Variants in ARHGAP15 observed in about 807,000 individuals in gnomAD.
The protein encoded by ARHGAP15 is Rho GTPase activating protein 15.
A neutral mutation model predicts 63.7 loss-of-function variants in ARHGAP15; 51 were observed. That is an observed-to-expected ratio of 0.80 (90% CI 0.64 to 1.01). The LOEUF is 1.01. Ranked by LOEUF, ARHGAP15 falls within the 50% of genes least tolerant of loss-of-function variation. The pLI, the probability that ARHGAP15 is intolerant of heterozygous loss-of-function variation, is 0.00. For synonymous variants in ARHGAP15, 191 were observed against 193.8 expected (o/e 0.99, Z 0.12); for missense variants, 560 against 564.6 (o/e 0.99, Z 0.08).
chr2:143,155,716 A>C, intron 2 of ARHGAP15, 61 bp downstream of exon 2: 1 of 1,471,196 alleles, frequency 6.8e-7, no homozygotes, highest in Non-Finnish European at 9.1e-7. Context: ...TAAAAGGAAA[A>C]AAAAAAGCTA....
intron 5 of ARHGAP15, among the ~76,000 whole-genome samples, chr2:143,228,992 A>G (rs1429328353): frequency 6.6e-6 from 1 of 152,204 alleles, no homozygotes; most frequent in Non-Finnish European, 1.5e-5. Context: ...AAATGCAGCT[A>G]CTTGCTCAAA....
At chr2:143,346,194 TCTCTCTCTCACACACACA>T (rs1685272151) in intron 6 of ARHGAP15, among the ~76,000 whole-genome samples, 1 of 138,154 alleles carries the variant, frequency 7.2e-6, no homozygotes, top group Non-Finnish European at 1.6e-5. Flanking sequence ...ACACACACAC[TCTCTCTCTCACACACACA>T]CTCTCTCTCA....
At chr2:143,677,993 A>ATCT (rs1682910918) in intron 12 of ARHGAP15, among the ~76,000 whole-genome samples, 1 of 152,206 alleles carries the variant, frequency 6.6e-6, no homozygotes. Context: ...AGATCACTTG[A>ATCT]GCCCAGGAGT....
chr2:143,478,130 G>A (rs1208241770), intron 8 of ARHGAP15, among the ~76,000 whole-genome samples: 1 of 152,116 alleles, frequency 6.6e-6, no homozygotes, highest in Non-Finnish European at 1.5e-5. Context: ...GGAGCATGGT[G>A]AGTGATTTGT....
intron 6 of ARHGAP15, among the ~76,000 whole-genome samples, chr2:143,418,766 G>T: frequency 6.6e-6 from 1 of 151,616 alleles, no homozygotes; most frequent in East Asian, 1.9e-4. Context: ...AATATGAGAG[G>T]GGTTTTTTTC....
intron 13 of ARHGAP15, among the ~76,000 whole-genome samples, chr2:143,760,946 C>T (rs1201065611): frequency 6.6e-6 from 1 of 152,040 alleles, no homozygotes. Context: ...GAGTGACCAC[C>T]TCGAAACACA....
intron 13 of ARHGAP15, among the ~76,000 whole-genome samples, chr2:143,747,085 TGGGGAGAAA>T (rs1326028938): frequency 6.6e-6 from 1 of 151,516 alleles, no homozygotes; most frequent in Non-Finnish European, 1.5e-5. Context: ...TGTCAGGGGG[TGGGGAGAAA>T]GGGGAGGAAG....
chr2:143,518,304 C>G (rs1693908760), intron 9 of ARHGAP15, among the ~76,000 whole-genome samples: 1 of 152,202 alleles, frequency 6.6e-6, no homozygotes, highest in Admixed American at 6.5e-5. Context: ...TTGAGAGAAT[C>G]TATTCCATAT....
chr2:143,604,232 T>C (rs1167515724), intron 11 of ARHGAP15, among the ~76,000 whole-genome samples: 2 of 152,234 alleles, frequency 1.3e-5, no homozygotes, highest in Non-Finnish European at 2.9e-5. Flanking sequence ...GTTCCTTTAC[T>C]TGGAAATTCA....
intron 3 of ARHGAP15, among the ~76,000 whole-genome samples, chr2:143,205,751 T>C (rs780775146): frequency 1.3e-5 from 2 of 152,072 alleles, no homozygotes; most frequent in Non-Finnish European, 2.9e-5. Flanking sequence ...AACATATATC[T>C]AGGATGAGAA....
chr2:143,380,199 T>G (rs936721311), intron 6 of ARHGAP15, among the ~76,000 whole-genome samples: 4 of 152,156 alleles, frequency 2.6e-5, no homozygotes, highest in Non-Finnish European at 4.4e-5. Flanking sequence ...TCCTACTTAA[T>G]CTACTATTTG....
At chr2:143,306,941 C>G (rs927428936) in intron 6 of ARHGAP15, among the ~76,000 whole-genome samples, 17 of 152,108 alleles carry the variant, frequency 1.1e-4, no homozygotes, top group African/African-American at 4.1e-4. Context: ...GCTGGGTTCT[C>G]TGCTCAGGGT....
chr2:143,245,432 G>A (rs1231009358), intron 5 of ARHGAP15, among the ~76,000 whole-genome samples: 1 of 152,148 alleles, frequency 6.6e-6, no homozygotes, highest in Admixed American at 6.5e-5. Context: ...GACCTTAATG[G>A]TTAAGACATT....
At chr2:143,167,015 T>C (rs1690568750) in intron 2 of ARHGAP15, among the ~76,000 whole-genome samples, 1 of 152,138 alleles carries the variant, frequency 6.6e-6, no homozygotes, top group Non-Finnish European at 1.5e-5. Flanking sequence ...TTTTTATGAA[T>C]ACGAATGAAA....
chr2:143,434,873 GAA>G (rs1423223403), intron 6 of ARHGAP15, among the ~76,000 whole-genome samples: 1 of 152,048 alleles, frequency 6.6e-6, no homozygotes, highest in Non-Finnish European at 1.5e-5. Flanking sequence ...AGTCTGGGGA[GAA>G]AAAGATTCAC....
chr2:143,591,592 A>G (rs925352007), intron 11 of ARHGAP15, among the ~76,000 whole-genome samples: 1 of 148,490 alleles, frequency 6.7e-6, no homozygotes, highest in African/African-American at 2.4e-5. Flanking sequence ...TTTCTGGGAT[A>G]AGTTGGTTTT....
intron 1 of ARHGAP15, among the ~76,000 whole-genome samples, chr2:143,149,399 A>G (rs903810612): frequency 6.6e-6 from 1 of 152,042 alleles, no homozygotes; most frequent in Non-Finnish European, 1.5e-5. Flanking sequence ...CAAAACTCTC[A>G]GTGGCAACCT....
At chr2:143,705,061 AACT>A (rs1684264668) in intron 13 of ARHGAP15, among the ~76,000 whole-genome samples, 1 of 152,164 alleles carries the variant, frequency 6.6e-6, no homozygotes, top group Non-Finnish European at 1.5e-5. Context: ...ATTATTATAC[AACT>A]ATTTTGTAAC....
At chr2:143,160,494 G>A (rs576868546) in intron 2 of ARHGAP15, among the ~76,000 whole-genome samples, 1 of 151,898 alleles carries the variant, frequency 6.6e-6, no homozygotes, top group Non-Finnish European at 1.5e-5. Flanking sequence ...ACCACTGGGA[G>A]GGCAATTTTG....
Sources: gnomAD v4.1 joint callset for allele counts (sites outside exome capture counted in the v4.1 genomes callset) on GRCh38, gnomAD v4.1.1 for gene constraint, MANE v1.5 for transcripts, NCBI Gene and HGNC (gene_info 2026-07-23, HGNC 2026-07-21) for gene names.